The following SLC9A1 variants were observed in gnomAD, a reference collection of about 807,000 sequenced individuals.
SLC9A1 encodes sodium/hydrogen exchanger 1.
SLC9A1 carries 22 observed loss-of-function variants against 67.9 expected under a neutral mutation model. The ratio of observed to expected loss-of-function variants is 0.32; its 90% CI spans 0.23 to 0.46. The LOEUF (loss-of-function observed/expected upper bound fraction) is 0.46. Among genes scored for constraint, SLC9A1 ranks in the 20% least tolerant of loss-of-function variants. SLC9A1 has a pLI of 1.00. For missense variants in SLC9A1, 686 were observed against 1,094.8 expected (o/e 0.63, Z 5.27); for synonymous variants, 421 against 471.8 (o/e 0.89, Z 1.40).
At position 27,102,148 on chromosome 1, in the gene SLC9A1, C is replaced by T. The variant is rs1301211162; in HGVS notation, c.1821-18G>A. 17 of 1,585,250 alleles carry T rather than the reference C, an allele frequency of 1.1e-5. No individual in the cohort carries two copies. The highest frequency in any genetic ancestry group is 6.7e-5 in the Admixed American group (4 of 59,982). On this transcript the variant is annotated intron_variant, in intron 8 of 11. Transcript: ENST00000263980. Reference sequence around the variant, plus strand: ...GGATGTTCCTGGGGCAATAGGGCATCGGTTAGGTCCCCAAGATTCTTGGGA... The same window carrying T: ...GGATGTTCCTGGGGCAATAGGGCATTGGTTAGGTCCCCAAGATTCTTGGGA...
chr1:27,131,947 A>AAAATATATATATAT, intron 1 of SLC9A1, among the ~76,000 whole-genome samples: 12 of 52,120 alleles, frequency 2.3e-4, no homozygotes, highest in South Asian at 6.2e-4. Flanking sequence ...AGAAAAAAAA[A>AAAATATATATATAT]ATATATATAT....
intron 3 of SLC9A1, among the ~76,000 whole-genome samples, chr1:27,108,657 G>A (rs1001624491): frequency 6.6e-6 from 1 of 152,024 alleles, no homozygotes; most frequent in Non-Finnish European, 1.5e-5. Context: ...TGACAAGAGT[G>A]GGACCCCGTC....
rs539623951 is a variant in SLC9A1 at position 27,138,074 on chromosome 1, G to A, written c.352+15909C>T. The stretch of plus-strand genomic sequence containing the variant: ...ACTCTATCGCACTCCCAGGCTGTCC[G>A]CACATCCCTCCCCAGGTCAGACCAT... On this transcript the variant is annotated intron_variant, in intron 1 of 11. Transcript: ENST00000263980. Among the ~76,000 whole-genome samples the A allele has an allele frequency of 1.1e-3, 167 of 152,250 alleles. 1 individual carries two copies. The highest frequency in any genetic ancestry group is 3.8e-3 in the African/African-American group (159 of 41,562).
At chr1:27,103,354 C>T (rs765612204) in intron 5 of SLC9A1, 42 bp from the exon 6 acceptor site, 8 of 1,444,204 alleles carry the variant, frequency 5.5e-6, no homozygotes, top group Admixed American at 3.3e-5. Context: ...TTCTGCTACC[C>T]AGGCAGGGAG....
intron 5 of SLC9A1, 152 bp downstream of exon 5, chr1:27,105,733 A>G: frequency 2.7e-6 from 2 of 733,176 alleles, no homozygotes; most frequent in South Asian, 2.9e-5. Context: ...TGAGGCCCAG[A>G]AAGGGGGAGT....
intron 2 of SLC9A1, among the ~76,000 whole-genome samples, chr1:27,111,920 G>A (rs2083231009): frequency 1.3e-5 from 2 of 152,164 alleles, no homozygotes; most frequent in African/African-American, 4.8e-5. Flanking sequence ...ATGACCATGG[G>A]TCCACAAATG....
intron 1 of SLC9A1, among the ~76,000 whole-genome samples, chr1:27,128,768 G>A (rs1425134239): frequency 6.6e-6 from 1 of 151,962 alleles, no homozygotes. Flanking sequence ...GACCAGCCTG[G>A]CCAACATGGT....
rs1406011039 is a variant in SLC9A1, at chr1:27,109,666, C to T, written c.925G>A (p.Gly309Ser). The change falls in exon 3 of 12, where the codon GGC becomes AGC. Residue 309 changes from glycine (G) to serine (S), a missense_variant. Around this residue, in one of 7 missense-constraint regions of SLC9A1, gnomAD observed 58 missense variants for 68.9 expected, o/e 0.84. Coordinates refer to ENST00000263980, the MANE Select transcript of SLC9A1 (RefSeq NM_003047.5). This position sits in a 1 kb window ranked among gnomAD's most constrained non-coding sequence, Gnocchi z 5.5. ...FVVALGGVLVGVVYGVIAAFT... is the reference protein window; with the variant it reads ...FVVALGGVLVSVVYGVIAAFT... ...GCTGCGATGACCCCGTAGACCACGC[C>T]CACAAGCACCCCGCCCAGGGCCACC... The T allele has an allele frequency of 6.2e-7, 1 of 1,613,910 alleles. No homozygotes were observed. Among genetic ancestry groups the T allele is most frequent in the South Asian group, 1.1e-5 (1 of 91,084 alleles).
chr1:27,120,916 C>T (rs1427621766), intron 1 of SLC9A1, among the ~76,000 whole-genome samples: 4 of 152,174 alleles, frequency 2.6e-5, no homozygotes, highest in South Asian at 2.1e-4. Context: ...TCCAAGGCTA[C>T]CTAGCTGGGA....
At chr1:27,112,165 T>A (rs1557741457) in intron 2 of SLC9A1, among the ~76,000 whole-genome samples, 1 of 152,164 alleles carries the variant, frequency 6.6e-6, no homozygotes, top group Non-Finnish European at 1.5e-5. Flanking sequence ...GCTCATGTGG[T>A]AACCCTGGGC....
Position 27,154,328 on chromosome 1 carries a change from G to A in SLC9A1, c.7C>T (p.Leu3=). 2 of 1,584,128 alleles carry A rather than the reference G, an allele frequency of 1.3e-6. No individual in the cohort carries two copies. Among genetic ancestry groups the A allele is most frequent in the African/African-American group, 2.7e-5 (2 of 74,448 alleles). Residue 3 remains leucine (L), a synonymous_variant, in exon 1 of 12, where the codon CTG becomes TTG. Transcript: ENST00000263980. Reference sequence around the variant, plus strand: ...GAGAGGCCACAGATGCCAGACCGCAGAACCATGGTGCTGCTTCCAGAGCCA... The same window carrying A: ...GAGAGGCCACAGATGCCAGACCGCAAAACCATGGTGCTGCTTCCAGAGCCA... MV[L]RSGICGLSPH...
At chr1:27,107,102 C>T in intron 4 of SLC9A1, among the ~76,000 whole-genome samples, 1 of 129,734 alleles carries the variant, frequency 7.7e-6, no homozygotes, top group African/African-American at 2.9e-5. Context: ...AGCCCCTCCA[C>T]ACACACACAC....
chr1:27,134,852 T>C (rs1173604638), intron 1 of SLC9A1, among the ~76,000 whole-genome samples: 2 of 152,146 alleles, frequency 1.3e-5, no homozygotes, highest in Non-Finnish European at 2.9e-5. Flanking sequence ...TTCTCCCACC[T>C]TGGCCTCCCA....
In SLC9A1 at chr1:27,137,960, C is replaced by T. The variant is rs919417365; in HGVS notation, c.352+16023G>A. Among the ~76,000 whole-genome samples the T allele has an allele frequency of 6.6e-6, 1 of 152,226 alleles. No individual in the cohort carries two copies. Among genetic ancestry groups the T allele is most frequent in the African/African-American group, 2.4e-5 (1 of 41,470 alleles). ...TGCTGGCTTGGCCAGTGGTGCCTGT[C>T]GGGAAGCTTTACTCTGTTGCCCTCA... is the stretch of plus-strand genomic sequence containing the variant. On this transcript the variant is annotated intron_variant, in intron 1 of 11. Coordinates refer to ENST00000263980, the MANE Select transcript of SLC9A1 (RefSeq NM_003047.5). This position sits in a 1 kb window ranked among gnomAD's most constrained non-coding sequence, Gnocchi z 4.6.
At chr1:27,102,611 T>C (rs2083155433) in intron 7 of SLC9A1, 53 bp from the exon 8 acceptor site, 2 of 1,611,774 alleles carry the variant, frequency 1.2e-6, no homozygotes, top group Admixed American at 3.3e-5. Flanking sequence ...AGTGGGGAGA[T>C]GCCCAGGCCC....
intron 1 of SLC9A1, among the ~76,000 whole-genome samples, chr1:27,117,962 T>C (rs1475408319): frequency 6.6e-6 from 1 of 152,116 alleles, no homozygotes; most frequent in Non-Finnish European, 1.5e-5. Context: ...TTCCAGCCCT[T>C]GGAGCTTCTA....
intron 1 of SLC9A1, among the ~76,000 whole-genome samples, chr1:27,127,055 C>T (rs1000891425): frequency 2.0e-4 from 31 of 152,186 alleles, no homozygotes; most frequent in Admixed American, 1.9e-3. Context: ...GGCTGGAGTG[C>T]AGTGGTACGA....
chr1:27,148,017 A>G (rs1313254556), intron 1 of SLC9A1, among the ~76,000 whole-genome samples: 1 of 152,108 alleles, frequency 6.6e-6, no homozygotes, highest in East Asian at 1.9e-4. Context: ...GAAAAAAGAA[A>G]ACAGGGGCTC....
intron 1 of SLC9A1, among the ~76,000 whole-genome samples, chr1:27,130,324 G>C (rs868377123): frequency 6.6e-6 from 1 of 152,146 alleles, no homozygotes; most frequent in Non-Finnish European, 1.5e-5. Flanking sequence ...GACTGGTCTC[G>C]AACGCTTGAC....
Sources: allele counts gnomAD v4.1 joint callset (sites outside exome capture counted in the v4.1 genomes callset), GRCh38; gene constraint gnomAD v4.1.1; regional missense constraint gnomAD v4.1.1; non-coding constraint Gnocchi (gnomAD v3.1); transcripts MANE v1.5; gene names NCBI Gene and HGNC (gene_info 2026-07-23, HGNC 2026-07-21).